Variants in U2AF2 observed in about 807,000 individuals in gnomAD.
The protein encoded by U2AF2 is splicing factor U2AF 65 kDa subunit.
A neutral mutation model predicts 52.6 loss-of-function variants in U2AF2; 6 were observed. The observed-to-expected ratio is 0.11, with a 90% CI of 0.06 to 0.23. The LOEUF is 0.23. Ranked by LOEUF, U2AF2 falls within the 10% of genes least tolerant of loss-of-function variation. U2AF2 has a pLI of 1.00. For synonymous variants in U2AF2, 284 were observed against 258.2 expected, an observed-to-expected ratio of 1.10 and a Z score of -0.96; for missense variants, 222 against 677.1, an observed-to-expected ratio of 0.33 and a Z score of 7.46.
At chr19:55,663,422 C>T (rs185578310) in intron 6 of U2AF2, among the ~76,000 whole-genome samples, 184 bp from the exon 7 acceptor site, 4 of 152,114 alleles carry the variant, frequency 2.6e-5, no homozygotes, top group Non-Finnish European at 4.4e-5. Context: ...TTTTAATGGT[C>T]GAGTGTGAGC....
At chr19:55,655,184 G>T in intron 1 of U2AF2, 31 bp downstream of exon 1, 1 of 1,593,894 alleles carries the variant, frequency 6.3e-7, no homozygotes. Flanking sequence ...GGGCGGAGGT[G>T]TGGGCGGCTC....
At chr19:55,664,660 A>T (rs936856109) in intron 7 of U2AF2, among the ~76,000 whole-genome samples, 1 of 152,186 alleles carries the variant, frequency 6.6e-6, no homozygotes, top group African/African-American at 2.4e-5. Flanking sequence ...AGACGGAGGC[A>T]CATCTGTGTC....
At chr19:55,659,684 G>C (rs759160677) in intron 2 of U2AF2, among the ~76,000 whole-genome samples, 1 of 150,784 alleles carries the variant, frequency 6.6e-6, no homozygotes, top group African/African-American at 2.4e-5. Context: ...CCTTCTTTTC[G>C]ACTCTCTGTG....
rs1158115258 is a variant in U2AF2, at chr19:55,668,421, G to C, written c.743-86G>C. 9.0e-6 allele frequency: 12 copies of C among 1,332,020 alleles called. No individual in the cohort carries two copies. In the African/African-American group the frequency reaches 1.8e-4, roughly 20 times the overall value. The allele number at this position is 1,332,020 out of a possible 1,614,324, so 82.5% of individuals were successfully genotyped here. A position where few individuals can be genotyped will look rare whatever the true frequency, so the allele number is the denominator to read the frequency against. ...GATCAGGCAGGAAGTGTTCTCTTTG[G>C]CAATTGAGGAGCTCGCCGTAGACTG... On this transcript the variant is annotated intron_variant, in intron 7 of 11. Coordinates refer to ENST00000308924, the MANE Select transcript of U2AF2 (RefSeq NM_007279.3). This position sits in a 1 kb window ranked among gnomAD's most constrained non-coding sequence, Gnocchi z 5.5.
At position 55,670,834 on chromosome 19, in the gene U2AF2, C is replaced by T. The variant is rs546660937; in HGVS notation, c.1293+1142C>T. On this transcript the variant is annotated intron_variant, in intron 11 of 11. Coordinates refer to ENST00000308924, the MANE Select transcript of U2AF2 (RefSeq NM_007279.3). ...CACATAGTGAGGTTGGGGGTGGGTG[C>T]GGAGGCACAGCAGGTACTTCCCCTG... The T allele has an allele frequency of 5.6e-5, 9 of 161,140 alleles. No homozygotes were observed. In the East Asian group the frequency reaches 7.6e-4, roughly 14 times the overall value. The allele number at this position is 161,140 out of a possible 1,614,324, so 10.0% of individuals were successfully genotyped here. A position where few individuals can be genotyped will look rare whatever the true frequency, so the allele number is the denominator to read the frequency against.
At chr19:55,658,566 T>A (rs1055099230) in intron 1 of U2AF2, among the ~76,000 whole-genome samples, 1 of 152,138 alleles carries the variant, frequency 6.6e-6, no homozygotes, top group Non-Finnish European at 1.5e-5. Flanking sequence ...CAAGTCTGGA[T>A]GGGGCAAGCT....
chr19:55,660,496 T>TGGCCG lies in U2AF2; in HGVS notation c.231-20_231-19insGGCCG. Reference sequence around the variant, plus strand: ...AGACTGAGGTTGCCCTGCCCCGCTCTCCCCTCCCACCTCCCCCAGTCGTTC... The same window carrying TGGCCG: ...AGACTGAGGTTGCCCTGCCCCGCTCTGGCCGCCCCTCCCACCTCCCCCAGTCGTTC... On this transcript the variant is annotated intron_variant, in intron 3 of 11. Coordinates refer to ENST00000308924, the MANE Select transcript of U2AF2 (RefSeq NM_007279.3). 1.1e-6 allele frequency: 1 copy of TGGCCG among 894,576 alleles called. No individual in the cohort carries two copies. The highest frequency in any genetic ancestry group is 1.8e-6 in the Non-Finnish European group (1 of 553,302). The allele number at this position is 894,576 out of a possible 1,614,324, so 55.4% of individuals were successfully genotyped here.
At chr19:55,673,199 G>A (rs1196908418) in intron 11 of U2AF2, among the ~76,000 whole-genome samples, 1 of 152,198 alleles carries the variant, frequency 6.6e-6, no homozygotes, top group African/African-American at 2.4e-5. Flanking sequence ...GATTACAGGC[G>A]TGAGCCACTG....
intron 7 of U2AF2, chr19:55,664,087 G>A (rs1476284816): frequency 6.0e-5 from 15 of 248,072 alleles, no homozygotes; most frequent in South Asian, 1.5e-4. Flanking sequence ...GTCTGTGCCC[G>A]TCGGGGCTGC....
chr19:55,658,528 G>A (rs375713694), intron 1 of U2AF2, among the ~76,000 whole-genome samples: 1 of 152,172 alleles, frequency 6.6e-6, no homozygotes, highest in Non-Finnish European at 1.5e-5. Context: ...AAGGGAGTGA[G>A]GCTGAGAGAT....
At position 55,673,955 on chromosome 19, in the gene U2AF2, G is replaced by A; in HGVS notation, c.1315G>A (p.Val439Met). The A allele has an allele frequency of 1.9e-6, 3 of 1,613,754 alleles. No homozygotes were observed. Among genetic ancestry groups the A allele is most frequent in the Non-Finnish European group, 1.7e-6 (2 of 1,179,796 alleles). Reference sequence around the variant, plus strand: ...ACAGATCTTTGTGGAGTTCACCTCTGTGTTTGACTGCCAGAAAGCCATGCA... The same window carrying A: ...ACAGATCTTTGTGGAGTTCACCTCTATGTTTGACTGCCAGAAAGCCATGCA... ...CGKIFVEFTS[V>M]FDCQKAMQGL... Residue 439 changes from valine (V) to methionine (M), a missense_variant, in exon 12 of 12, where the codon GTG (valine) becomes ATG (methionine). Around this residue, in one of 4 missense-constraint regions of U2AF2, gnomAD observed 71 missense variants for 180.6 expected, o/e 0.39. Coordinates refer to ENST00000308924, the MANE Select transcript of U2AF2 (RefSeq NM_007279.3).
Position 55,660,562 on chromosome 19 carries a change from G to A in U2AF2, c.277G>A (p.Asp93Asn). The change falls in exon 4 of 12, where the codon GAC (aspartate) becomes AAC (asparagine). Residue 93 changes from aspartate (D) to asparagine (N), a missense_variant. Physicochemically the swap from Asp to Asn is conservative, Grantham distance 23. Transcript: ENST00000308924. ...GAAGAAGAAGGTCCGTAAATACTGG[G>A]ACGTGCCACCCCCAGGCTTTGAGCA... ...EKKKKVRKYW[D>N]VPPPGFEHIT... 1 of 1,613,218 alleles carries A rather than the reference G, an allele frequency of 6.2e-7. No homozygotes were observed. Among genetic ancestry groups the A allele is most frequent in the Admixed American group, 1.7e-5 (1 of 59,946 alleles).
chr19:55,664,939 G>A (rs147026549), intron 7 of U2AF2, among the ~76,000 whole-genome samples: 158 of 152,138 alleles, frequency 1.0e-3, no homozygotes, highest in African/African-American at 3.5e-3. Context: ...GTTGGTCTCC[G>A]ACGCCTGACC....
Position 55,668,995 on chromosome 19 carries a change from A to G in U2AF2, c.946-88A>G. On this transcript the variant is annotated intron_variant, in intron 9 of 11. Coordinates refer to ENST00000308924, the MANE Select transcript of U2AF2 (RefSeq NM_007279.3). This position sits in a 1 kb window ranked among gnomAD's most constrained non-coding sequence, Gnocchi z 5.5. ...TTTGCCTTCCCCTCTTCCCCCACCA[A>G]TGCCCCGGCTTGGGGGTAGGTGTCG... 4.6e-6 allele frequency: 7 copies of G among 1,512,286 alleles called. No homozygotes were observed. Among genetic ancestry groups the G allele is most frequent in the South Asian group, 2.4e-5 (2 of 83,182 alleles). 93.7% of individuals were successfully genotyped at this position (1,512,286 alleles called of 1,614,324 possible). A position where few individuals can be genotyped will look rare whatever the true frequency, so the allele number is the denominator to read the frequency against.
rs781722213 is a variant in U2AF2, at chr19:55,668,781, G to A, written c.934G>A (p.Val312Ile). Residue 312 changes from valine (V) to isoleucine (I), a missense_variant, in exon 9 of 12, where the codon GTC (valine) becomes ATC (isoleucine). Coordinates refer to ENST00000308924, the MANE Select transcript of U2AF2 (RefSeq NM_007279.3). The surrounding 1 kb of genome is among the most constrained non-coding windows in gnomAD (Gnocchi z 5.5). The stretch of plus-strand genomic sequence containing the variant: ...CTTCTGTGAGTACGTGGACATCAAC[G>A]TCACGGATCAGGTGAGTCCCCGGTC... ...YAFCEYVDIN[V>I]TDQAIAGLNG... 1.9e-6 allele frequency: 3 copies of A among 1,612,654 alleles called. No homozygotes were observed. Among genetic ancestry groups the A allele is most frequent in the Non-Finnish European group, 1.7e-6 (2 of 1,179,074 alleles).
chr19:55,670,708 C>A, intron 11 of U2AF2: 1 of 211,136 alleles, frequency 4.7e-6, no homozygotes, highest in South Asian at 5.8e-5. Flanking sequence ...CCTTGGAGGG[C>A]TGCCTGGGTC....
Position 55,669,533 on chromosome 19 carries a change from G to C in U2AF2, c.1134G>C (p.Leu378=), listed in dbSNP as rs368431934. ...VQMGGHPTEV[L]CLMNMVLPEE... ...TGGGCGGCCACCCGACTGAGGTCCT[G>C]TGCCTCATGAACATGGTGCTGCCTG... The change falls in exon 11 of 12, where the codon CTG becomes CTC. Residue 378 remains leucine, a synonymous_variant. Coordinates refer to ENST00000308924, the MANE Select transcript of U2AF2 (RefSeq NM_007279.3). 5.6e-6 allele frequency: 9 copies of C among 1,613,766 alleles called. No individual in the cohort carries two copies. In the African/African-American group the frequency reaches 1.2e-4, roughly 22 times the overall value.
At chr19:55,673,245 G>A (rs572422071) in intron 11 of U2AF2, among the ~76,000 whole-genome samples, 1 of 152,134 alleles carries the variant, frequency 6.6e-6, no homozygotes, top group South Asian at 2.1e-4. Flanking sequence ...GTTTGTTTCA[G>A]TAAGGATCCA....
chr19:55,666,575 C>T (rs953178000), intron 7 of U2AF2, among the ~76,000 whole-genome samples: 9 of 152,382 alleles, frequency 5.9e-5, no homozygotes, highest in African/African-American at 7.2e-5. Flanking sequence ...CCTGTTCTCA[C>T]GTCCTCGATT....
Sources: allele counts gnomAD v4.1 joint callset (sites outside exome capture counted in the v4.1 genomes callset), GRCh38; gene constraint gnomAD v4.1.1; regional missense constraint gnomAD v4.1.1; non-coding constraint Gnocchi (gnomAD v3.1); transcripts MANE v1.5; gene names NCBI Gene and HGNC (gene_info 2026-07-23, HGNC 2026-07-21).